ATP8A1: variants seen among roughly 807,000 people sequenced by gnomAD.
The protein encoded by ATP8A1 is ATPase phospholipid transporting 8A1, also known as phospholipid-transporting ATPase IA.
ATP8A1 carries 90 observed loss-of-function variants against 177.7 expected under a neutral mutation model. The ratio of observed to expected loss-of-function variants is 0.51; its 90% CI spans 0.43 to 0.60. The LOEUF (loss-of-function observed/expected upper bound fraction) is 0.60. ATP8A1 is among the 20% of genes least tolerant of loss of function. ATP8A1 has a pLI of 0.00. For synonymous variants in ATP8A1, 493 were observed against 485.9 expected (o/e 1.01, Z -0.19); for missense variants, 1,072 against 1,392.8 (o/e 0.77, Z 3.67).
At chr4:42,450,843 T>C (rs769668319) in intron 30 of ATP8A1, among the ~76,000 whole-genome samples, 4 of 152,156 alleles carry the variant, frequency 2.6e-5, no homozygotes, top group African/African-American at 7.2e-5. Context: ...TAAAAGAGTT[T>C]TGAGAAAGAT....
Position 42,425,382 on chromosome 4 carries a change from A to T in ATP8A1, c.3124-1677T>A, listed in dbSNP as rs1714477470. On this transcript the variant is annotated intron_variant, in intron 33 of 36. Coordinates refer to ENST00000381668, the MANE Select transcript of ATP8A1 (RefSeq NM_006095.2). ...AGGAGTGACTGGCGCCCCACCATTC[A>T]GTCTACCAGCCTTTGGCATTACAAA... Among the ~76,000 whole-genome samples, 3 of 152,324 alleles carry T rather than the reference A, an allele frequency of 2.0e-5. No homozygotes were observed. The South Asian group carries it at 6.2e-4, about 32-fold the overall frequency.
At chr4:42,605,175 C>A (rs768230287) in intron 5 of ATP8A1, among the ~76,000 whole-genome samples, 3 of 152,106 alleles carry the variant, frequency 2.0e-5, no homozygotes, top group African/African-American at 7.2e-5. Flanking sequence ...GGTATGTGAA[C>A]TATAACTGAA....
At chr4:42,590,209 C>T (rs1440704321) in intron 7 of ATP8A1, among the ~76,000 whole-genome samples, 2 of 152,134 alleles carry the variant, frequency 1.3e-5, no homozygotes, top group African/African-American at 2.4e-5. Flanking sequence ...TGAAATTGAT[C>T]ACAGTAACGT....
At chr4:42,529,296 C>T (rs1727016932) in intron 20 of ATP8A1, among the ~76,000 whole-genome samples, 1 of 152,172 alleles carries the variant, frequency 6.6e-6, no homozygotes, top group South Asian at 2.1e-4. Context: ...TGGAGCAAGG[C>T]CCTGCCATAA....
At chr4:42,464,011 C>T (rs980315934) in intron 27 of ATP8A1, among the ~76,000 whole-genome samples, 4 of 152,172 alleles carry the variant, frequency 2.6e-5, no homozygotes, top group Non-Finnish European at 4.4e-5. Flanking sequence ...TGATGTTTCT[C>T]ATTCCCTCAC....
chr4:42,581,448 G>A (rs1344328298), intron 10 of ATP8A1, among the ~76,000 whole-genome samples, 173 bp downstream of exon 10: 1 of 152,142 alleles, frequency 6.6e-6, no homozygotes, highest in African/African-American at 2.4e-5. Context: ...CATTCTTATA[G>A]GGAGGTAATT....
intron 20 of ATP8A1, among the ~76,000 whole-genome samples, chr4:42,534,218 C>T (rs1727553225): frequency 6.6e-6 from 1 of 152,120 alleles, no homozygotes; most frequent in Non-Finnish European, 1.5e-5. Context: ...AATTATTAAG[C>T]TAATCAATGA....
chr4:42,457,654 A>T (rs947643176), intron 27 of ATP8A1, among the ~76,000 whole-genome samples: 1 of 152,202 alleles, frequency 6.6e-6, no homozygotes, highest in Non-Finnish European at 1.5e-5. Context: ...TAGTAAGTTT[A>T]TATGTGGGCA....
intron 20 of ATP8A1, among the ~76,000 whole-genome samples, chr4:42,539,506 A>G (rs1728177221): frequency 6.6e-6 from 1 of 151,592 alleles, no homozygotes; most frequent in African/African-American, 2.4e-5. Context: ...AATAATCCTG[A>G]GCAAAAAGGA....
intron 33 of ATP8A1, among the ~76,000 whole-genome samples, chr4:42,435,426 CAAAAAA>C (rs55945370): frequency 0.38 from 35,879 of 94,406 alleles, 5,653 homozygotes; most frequent in African/African-American, 0.41. Flanking sequence ...GACTTCATCT[CAAAAAA>C]AAAAAAAAAA....
At chr4:42,618,637 G>C (rs981458191) in intron 4 of ATP8A1, among the ~76,000 whole-genome samples, 3 of 152,128 alleles carry the variant, frequency 2.0e-5, no homozygotes, top group Non-Finnish European at 4.4e-5. Flanking sequence ...CACTGACTAT[G>C]TGCCAGGCCC....
At chr4:42,475,558 A>G (rs1394854248) in intron 25 of ATP8A1, among the ~76,000 whole-genome samples, 2 of 151,970 alleles carry the variant, frequency 1.3e-5, no homozygotes, top group African/African-American at 4.8e-5. Flanking sequence ...TTTATATATG[A>G]CAGTATATAA....
intron 4 of ATP8A1, among the ~76,000 whole-genome samples, chr4:42,623,709 G>A (rs1010806248): frequency 1.6e-4 from 24 of 152,260 alleles, no homozygotes; most frequent in Non-Finnish European, 3.1e-4. Flanking sequence ...GTGGAGGGTG[G>A]GAGGAGGGAG....
chr4:42,513,523 G>T (rs1725225744), intron 22 of ATP8A1, among the ~76,000 whole-genome samples: 2 of 152,142 alleles, frequency 1.3e-5, no homozygotes, highest in South Asian at 4.2e-4. Flanking sequence ...ATGGGGAGAG[G>T]TGGGGAAGGA....
At chr4:42,630,465 C>G (rs148604335) in intron 1 of ATP8A1, among the ~76,000 whole-genome samples, 4 of 152,118 alleles carry the variant, frequency 2.6e-5, no homozygotes, top group Non-Finnish European at 4.4e-5. Context: ...AGGCGAGTGC[C>G]GTTCTTGATC....
At position 42,569,189 on chromosome 4, in the gene ATP8A1, C is replaced by T. The variant is rs1408950662; in HGVS notation, c.1312G>A (p.Glu438Lys). 1.9e-6 allele frequency: 3 copies of T among 1,607,520 alleles called. No homozygotes were observed. Among genetic ancestry groups the T allele is most frequent in the East Asian group, 2.3e-5 (1 of 44,332 alleles). The change falls in exon 15 of 37, where the codon GAG becomes AAG. Residue 438 changes from glutamate to lysine, a missense_variant. Transcript: ENST00000381668. The part of the protein sequence containing the change: ...GVAYGHVPEP[E>K]DYGCSPDEWQ... Reference sequence around the variant, plus strand: ...TCATCAGGAGAGCAGCCATAATCCTCAGGTTCAGGGACATGGCTTCAGAAA... The same window carrying T: ...TCATCAGGAGAGCAGCCATAATCCTTAGGTTCAGGGACATGGCTTCAGAAA...
intron 1 of ATP8A1, among the ~76,000 whole-genome samples, chr4:42,651,070 T>G (rs1461823527): frequency 6.6e-6 from 1 of 152,168 alleles, no homozygotes. Flanking sequence ...CAAGATCTGA[T>G]AGTTTTATAA....
Position 42,464,769 on chromosome 4 carries a change from T to C in ATP8A1, c.2540A>G (p.His847Arg). The C allele has an allele frequency of 1.2e-6, 2 of 1,613,756 alleles. No individual in the cohort carries two copies. Among genetic ancestry groups the C allele is most frequent in the Non-Finnish European group, 1.7e-6 (2 of 1,179,668 alleles). ...FKYLKNLLMIHGAWNYNRVSK... is the reference protein window; with the variant it reads ...FKYLKNLLMIRGAWNYNRVSK... Reference sequence around the variant, plus strand: ...GACTCTGTTATAGTTCCAGGCACCATGAATCATCAGTAAATTCTTCAAATA... The same window carrying C: ...GACTCTGTTATAGTTCCAGGCACCACGAATCATCAGTAAATTCTTCAAATA... Residue 847 changes from histidine (H) to arginine (R), a missense_variant, in exon 27 of 37, where the codon CAT becomes CGT. Coordinates refer to ENST00000381668, the MANE Select transcript of ATP8A1 (RefSeq NM_006095.2).
At chr4:42,643,996 G>A (rs749360744) in intron 1 of ATP8A1, among the ~76,000 whole-genome samples, 5 of 152,160 alleles carry the variant, frequency 3.3e-5, no homozygotes, top group Admixed American at 6.6e-5. Context: ...ACTTGCAGGT[G>A]GCTACCGTGT....
Sources: gnomAD v4.1 joint callset for allele counts (sites outside exome capture counted in the v4.1 genomes callset) on GRCh38, gnomAD v4.1.1 for gene constraint, MANE v1.5 for transcripts, NCBI Gene and HGNC (gene_info 2026-07-23, HGNC 2026-07-21) for gene names.